The following PDE1C variants were observed in gnomAD, a reference collection of about 807,000 sequenced individuals.
PDE1C encodes dual specificity calcium/calmodulin-dependent 3',5'-cyclic nucleotide phosphodiesterase 1C.
Under a neutral mutation model 93.1 loss-of-function variants are expected in PDE1C, and 62 were observed. That is an observed-to-expected ratio of 0.67 (90% CI 0.54 to 0.82). PDE1C has a LOEUF of 0.82. Among genes scored for constraint, PDE1C ranks in the 40% least tolerant of loss-of-function variants. The probability of loss-of-function intolerance (pLI) is 0.00; values close to 1 mark genes in which losing one functional copy is unlikely to be tolerated. For synonymous variants in PDE1C, 325 were observed against 310.1 expected (o/e 1.05, Z -0.50); for missense variants, 742 against 884.6 (o/e 0.84, Z 2.04).
chr7:32,138,238 T>C (rs1479199015), intron 3 of PDE1C, among the ~76,000 whole-genome samples: 1 of 152,292 alleles, frequency 6.6e-6, no homozygotes, highest in African/African-American at 2.4e-5. Context: ...ATTAAAAAAA[T>C]TTATCCCAAA....
chr7:31,938,078 C>T (rs1805328587), intron 2 of PDE1C, among the ~76,000 whole-genome samples: 1 of 152,110 alleles, frequency 6.6e-6, no homozygotes, highest in Non-Finnish European at 1.5e-5. Flanking sequence ...ATCATCCAGA[C>T]TGAGATCTAT....
At chr7:32,325,916 G>A (rs191166525) in intron 1 of PDE1C, among the ~76,000 whole-genome samples, 1 of 152,310 alleles carries the variant, frequency 6.6e-6, no homozygotes, top group Admixed American at 6.5e-5. Flanking sequence ...TTTAAGAAAC[G>A]ATTGCAATCA....
intron 9 of PDE1C, among the ~76,000 whole-genome samples, chr7:31,842,769 A>C (rs1036336076): frequency 2.6e-5 from 4 of 151,658 alleles, no homozygotes; most frequent in Non-Finnish European, 4.4e-5. Context: ...TCTTATCATT[A>C]CTAATTTCTT....
In PDE1C at chr7:32,288,209, C is replaced by T. The variant is rs74348170; in HGVS notation, c.85+10442G>A. ...GTCATGGTTCTGAAACGAGTCACTC[C>T]GACTTCTTGGAGTAGCAGTTTCTCC... is the stretch of plus-strand genomic sequence containing the variant. On this transcript the variant is annotated intron_variant, in intron 1 of 18. Coordinates refer to the PDE1C transcript ENST00000396193. Among the ~76,000 whole-genome samples the T allele has an allele frequency of 5.5e-3, 830 of 152,268 alleles. 7 individuals carry two copies. The highest frequency in any genetic ancestry group is 0.019 in the African/African-American group (787 of 41,558).
chr7:32,285,989 C>A (rs1444494564), intron 1 of PDE1C, among the ~76,000 whole-genome samples: 1 of 152,106 alleles, frequency 6.6e-6, no homozygotes, highest in Admixed American at 6.5e-5. Flanking sequence ...AGCCCACATG[C>A]TTTTCAAGGA....
the PDE1C span, among the ~76,000 whole-genome samples, chr7:31,626,886 G>A: frequency 1.3e-5 from 2 of 152,176 alleles, no homozygotes; most frequent in African/African-American, 4.8e-5. Flanking sequence ...ACAGAAAAAT[G>A]TTTGTTTGTG....
the PDE1C span, among the ~76,000 whole-genome samples, chr7:31,663,147 A>G: frequency 6.6e-6 from 1 of 152,108 alleles, no homozygotes; most frequent in Non-Finnish European, 1.5e-5. Context: ...TCTGATTCTC[A>G]TGGGCTCCTT....
chr7:31,941,527 G>A (rs1254169069), intron 2 of PDE1C: 2 of 154,256 alleles, frequency 1.3e-5, no homozygotes, highest in Non-Finnish European at 2.9e-5. Flanking sequence ...TGCCAGAATT[G>A]AATCAAAGAG....
At chr7:31,785,846 G>A (rs1783870597) in intron 16 of PDE1C, 1 of 152,142 alleles carries the variant, frequency 6.6e-6, no homozygotes. Flanking sequence ...GTAAAATCTG[G>A]CCTTGGCAGG....
intron 2 of PDE1C, among the ~76,000 whole-genome samples, chr7:32,019,712 C>T (rs896320348): frequency 1.3e-5 from 2 of 151,896 alleles, no homozygotes; most frequent in African/African-American, 4.8e-5. Flanking sequence ...GTTGAACGGA[C>T]ACAACTTTGT....
At chr7:32,311,491 T>C (rs1288002282) in intron 1 of PDE1C, among the ~76,000 whole-genome samples, 1 of 152,202 alleles carries the variant, frequency 6.6e-6, no homozygotes, top group Non-Finnish European at 1.5e-5. Flanking sequence ...TGAACATTGA[T>C]GCAAAAATCC....
intron 14 of PDE1C, among the ~76,000 whole-genome samples, chr7:31,818,470 GT>G (rs770681435): frequency 4.6e-5 from 7 of 152,258 alleles, no homozygotes; most frequent in Non-Finnish European, 7.4e-5. Context: ...CACACTCGAA[GT>G]ATTTGTTGAC....
intron 2 of PDE1C, among the ~76,000 whole-genome samples, chr7:32,179,221 A>G (rs940308912): frequency 1.3e-5 from 2 of 151,814 alleles, no homozygotes; most frequent in Non-Finnish European, 2.9e-5. Flanking sequence ...TTACATAGGA[A>G]ACAGGATTTG....
chr7:31,855,137 A>G (rs559225672), intron 7 of PDE1C, among the ~76,000 whole-genome samples: 67 of 151,334 alleles, frequency 4.4e-4, no homozygotes, highest in Admixed American at 9.2e-4. Flanking sequence ...AGCCCAGGCC[A>G]GTGTGGATGG....
chr7:32,312,915 A>G (rs1380886126), intron 1 of PDE1C, among the ~76,000 whole-genome samples: 1 of 152,216 alleles, frequency 6.6e-6, no homozygotes, highest in Non-Finnish European at 1.5e-5. Flanking sequence ...GGATCTAATT[A>G]AACTAAAGAG....
At chr7:31,970,676 T>C (rs1308445715) in intron 2 of PDE1C, among the ~76,000 whole-genome samples, 1 of 152,246 alleles carries the variant, frequency 6.6e-6, no homozygotes, top group Non-Finnish European at 1.5e-5. Context: ...AATTTCTATT[T>C]AGTCACTTCC....
chr7:31,865,299 T>C (rs907145570), intron 6 of PDE1C, among the ~76,000 whole-genome samples: 1 of 152,246 alleles, frequency 6.6e-6, no homozygotes, highest in African/African-American at 2.4e-5. Context: ...TGTAAATTTT[T>C]CTTTGTTGCT....
chr7:31,716,135 G>T, the PDE1C span, among the ~76,000 whole-genome samples: 2 of 152,170 alleles, frequency 1.3e-5, no homozygotes, highest in Non-Finnish European at 2.9e-5. Flanking sequence ...GGCAAGTGAG[G>T]TGTCTGTGGT....
intron 3 of PDE1C, among the ~76,000 whole-genome samples, chr7:32,080,610 C>T (rs1796608650): frequency 6.6e-6 from 1 of 152,148 alleles, no homozygotes; most frequent in African/African-American, 2.4e-5. Flanking sequence ...GTTCCTTGCA[C>T]CCTCCAGATA....
Sources: gnomAD v4.1 joint callset for allele counts (sites outside exome capture counted in the v4.1 genomes callset) on GRCh38, gnomAD v4.1.1 for gene constraint, MANE v1.5 for transcripts, NCBI Gene and HGNC (gene_info 2026-07-23, HGNC 2026-07-21) for gene names.